RABGAP1L: variants seen among roughly 807,000 people sequenced by gnomAD.
The protein encoded by RABGAP1L is rab GTPase-activating protein 1-like.
RABGAP1L carries 63 observed loss-of-function variants against 137.7 expected under a neutral mutation model. The observed-to-expected ratio is 0.46, with a 90% CI of 0.37 to 0.56. The LOEUF (loss-of-function observed/expected upper bound fraction) is 0.56, where lower values mean the gene tolerates loss of function less well. RABGAP1L is among the 20% of genes least tolerant of loss of function. The probability of loss-of-function intolerance (pLI) is 0.00; values close to 1 mark genes in which losing one functional copy is unlikely to be tolerated. For missense variants in RABGAP1L, 1,095 were observed against 1,244.0 expected, an observed-to-expected ratio of 0.88 and a Z score of 1.80; for synonymous variants, 431 against 433.7, an observed-to-expected ratio of 0.99 and a Z score of 0.08.
chr1:174,551,934 G>T (rs1450142038), intron 13 of RABGAP1L, among the ~76,000 whole-genome samples: 3 of 121,016 alleles, frequency 2.5e-5, no homozygotes, highest in Non-Finnish European at 4.8e-5. Context: ...TAGAAGAAAT[G>T]AATCTCAATT....
intron 13 of RABGAP1L, among the ~76,000 whole-genome samples, chr1:174,419,523 A>G (rs1341516967): frequency 6.6e-6 from 1 of 152,236 alleles, no homozygotes; most frequent in Non-Finnish European, 1.5e-5. Flanking sequence ...TTTCTTTAAA[A>G]CAGTTTTTAA....
chr1:174,850,354 G>T (rs912813067), intron 19 of RABGAP1L, among the ~76,000 whole-genome samples: 4 of 152,150 alleles, frequency 2.6e-5, no homozygotes, highest in African/African-American at 9.7e-5. Flanking sequence ...AATAAATGTG[G>T]ATATCTCTGG....
intron 13 of RABGAP1L, among the ~76,000 whole-genome samples, chr1:174,512,817 G>A (rs2147810034): frequency 6.6e-6 from 1 of 152,248 alleles, no homozygotes; most frequent in Non-Finnish European, 1.5e-5. Flanking sequence ...TGAAGACATT[G>A]CTTTAGCCTA....
At chr1:174,571,041 G>A (rs1667941226) in intron 13 of RABGAP1L, among the ~76,000 whole-genome samples, 1 of 152,102 alleles carries the variant, frequency 6.6e-6, no homozygotes, top group Non-Finnish European at 1.5e-5. Flanking sequence ...GCAGATGAAT[G>A]GAGAAAGAAA....
At chr1:174,816,147 C>CTTTT (rs67065448) in intron 19 of RABGAP1L, among the ~76,000 whole-genome samples, 4,934 of 86,168 alleles carry the variant, frequency 0.057, 360 homozygotes, top group East Asian at 0.25. Flanking sequence ...TAATACATAG[C>CTTTT]TTTTTTTTTT....
intron 1 of RABGAP1L, among the ~76,000 whole-genome samples, chr1:174,195,798 T>TTTCTATCC (rs1553251562): frequency 3.0e-4 from 38 of 128,670 alleles, no homozygotes; most frequent in Non-Finnish European, 4.9e-4. Context: ...TCTTTCTTTC[T>TTTCTATCC]TTCTTTCTTT....
intron 19 of RABGAP1L, among the ~76,000 whole-genome samples, chr1:174,914,163 A>C (rs1302687743): frequency 6.6e-6 from 1 of 152,154 alleles, no homozygotes; most frequent in Admixed American, 6.6e-5. Flanking sequence ...CCTAAAATCC[A>C]GTGGTTTTTC....
intron 19 of RABGAP1L, chr1:174,948,905 A>G (rs950935528): frequency 1.3e-5 from 2 of 152,192 alleles, no homozygotes; most frequent in African/African-American, 2.4e-5. Flanking sequence ...ATGAGCCGAT[A>G]CCACCAATAT....
chr1:174,479,078 T>C (rs1003718466), intron 13 of RABGAP1L, among the ~76,000 whole-genome samples: 1 of 152,248 alleles, frequency 6.6e-6, no homozygotes, highest in Non-Finnish European at 1.5e-5. Context: ...ATAACTGCTG[T>C]TGAACAATGT....
At chr1:174,183,100 G>A (rs1446483224) in intron 1 of RABGAP1L, among the ~76,000 whole-genome samples, 1 of 152,000 alleles carries the variant, frequency 6.6e-6, no homozygotes, top group Admixed American at 6.6e-5. Flanking sequence ...CCCCTTTAAG[G>A]CATATATTAT....
intron 19 of RABGAP1L, chr1:174,877,694 C>A: frequency 7.4e-7 from 1 of 1,355,004 alleles, no homozygotes; most frequent in Non-Finnish European, 1.0e-6. Flanking sequence ...GCATAACTTG[C>A]TGTTGGCTTT....
At chr1:174,222,720 A>G (rs1413622169) in intron 3 of RABGAP1L, among the ~76,000 whole-genome samples, 2 of 152,242 alleles carry the variant, frequency 1.3e-5, no homozygotes, top group South Asian at 2.1e-4. Flanking sequence ...TTGACGTTGT[A>G]CTAAAGAATC....
At chr1:174,839,056 T>TGTGTGTGTGTG (rs1553261082) in intron 19 of RABGAP1L, among the ~76,000 whole-genome samples, 10 of 141,016 alleles carry the variant, frequency 7.1e-5, no homozygotes, top group Non-Finnish European at 1.5e-4. Flanking sequence ...TGTGTGTGTG[T>TGTGTGTGTGTG]TGGTAGGGGT....
At position 174,225,807 on chromosome 1, in the gene RABGAP1L, A is replaced by G. The variant is rs143395117; in HGVS notation, c.331+4643A>G. 5.9e-5 allele frequency among the ~76,000 whole-genome samples: 9 copies of G among 152,234 alleles called. No individual in the cohort carries two copies. The East Asian group carries it at 1.7e-3, about 29-fold the overall frequency. On this transcript the variant is annotated intron_variant, in intron 3 of 25. Transcript: ENST00000681986. ...CTGCTTTGTGCTGTTTTGCAGAATC[A>G]TATGTCTGGAGCACTTTATGACAAA...
chr1:174,222,927 G>A (rs560226797), intron 3 of RABGAP1L, among the ~76,000 whole-genome samples: 3 of 152,188 alleles, frequency 2.0e-5, no homozygotes, highest in African/African-American at 7.2e-5. Context: ...CTTGAAGTCA[G>A]GAGTTTGAGA....
At chr1:174,909,077 G>A (rs1659618684) in intron 19 of RABGAP1L, among the ~76,000 whole-genome samples, 1 of 150,878 alleles carries the variant, frequency 6.6e-6, no homozygotes, top group African/African-American at 2.4e-5. Flanking sequence ...TAATTGGGAG[G>A]CTGAGGCAGG....
chr1:174,575,348 C>T (rs1004962539), intron 13 of RABGAP1L, among the ~76,000 whole-genome samples: 3 of 152,024 alleles, frequency 2.0e-5, no homozygotes, highest in African/African-American at 7.2e-5. Flanking sequence ...TTGTTTTGAC[C>T]CTTCTAATTA....
chr1:174,619,135 C>G (rs74692596), intron 13 of RABGAP1L, among the ~76,000 whole-genome samples: 7 of 152,166 alleles, frequency 4.6e-5, no homozygotes, highest in Admixed American at 2.0e-4. Context: ...AAATATGGGA[C>G]TATGTGAAAC....
At chr1:174,946,978 GTGTATA>G (rs1666969886) in intron 19 of RABGAP1L, among the ~76,000 whole-genome samples, 1 of 105,876 alleles carries the variant, frequency 9.4e-6, no homozygotes, top group African/African-American at 3.6e-5. Flanking sequence ...GTGTGTGTGT[GTGTATA>G]TATATGTATA....
Sources: allele counts gnomAD v4.1 joint callset (sites outside exome capture counted in the v4.1 genomes callset), GRCh38; gene constraint gnomAD v4.1.1; transcripts MANE v1.5; gene names NCBI Gene and HGNC (gene_info 2026-07-23, HGNC 2026-07-21).